The following MFAP5 variants were observed in gnomAD, a reference collection of about 807,000 sequenced individuals.
The protein encoded by MFAP5 is microfibril associated protein 5.
MFAP5 carries 19 observed loss-of-function variants against 30.1 expected under a neutral mutation model. The ratio of observed to expected loss-of-function variants is 0.63; its 90% confidence interval spans 0.44 to 0.93. The LOEUF (loss-of-function observed/expected upper bound fraction) is 0.93. Ranked by LOEUF, MFAP5 falls within the 40% of genes least tolerant of loss-of-function variation. The pLI is 0.00. For synonymous variants in MFAP5, 92 were observed against 72.9 expected (o/e 1.26, Z -1.33); for missense variants, 210 against 221.3 (o/e 0.95, Z 0.32).
intron 9 of MFAP5, among the ~76,000 whole-genome samples, chr12:8,648,729 G>C (rs1390116462): frequency 3.9e-5 from 6 of 152,148 alleles, no homozygotes; most frequent in African/African-American, 1.4e-4. Flanking sequence ...AAGCCAATGG[G>C]GGCACACAGC....
chr12:8,648,645 A>G lies in MFAP5; in HGVS notation c.410-442T>C, dbSNP rs779803491. ...AGCTAACTTTAGGAAGTCCCTTGAG[A>G]TACTTGAAAGTGCCTAGAGTCCCAA... On this transcript the variant is annotated intron_variant, in intron 9 of 9. Coordinates refer to ENST00000359478, the MANE Select transcript of MFAP5 (RefSeq NM_003480.4). 5.6e-6 allele frequency: 4 copies of G among 709,108 alleles called. No individual in the cohort carries two copies. In the South Asian group the frequency reaches 6.5e-5, roughly 11 times the overall value. 43.9% of individuals were successfully genotyped at this position (709,108 alleles called of 1,614,324 possible).
chr12:8,662,135 T>C, intron 1 of MFAP5, 29 bp from the exon 2 acceptor site: 1 of 1,600,832 alleles, frequency 6.2e-7, no homozygotes. Context: ...TAGCAGAGAA[T>C]GTGATGCTCA....
chr12:8,658,318 C>T (rs1219552218), intron 3 of MFAP5, among the ~76,000 whole-genome samples: 2 of 152,072 alleles, frequency 1.3e-5, no homozygotes, highest in African/African-American at 4.8e-5. Flanking sequence ...CCACTGCACT[C>T]CAGCCTGGGA....
chr12:8,654,674 A>G (rs1249727318), intron 5 of MFAP5, among the ~76,000 whole-genome samples, 193 bp from the exon 6 acceptor site: 3 of 152,166 alleles, frequency 2.0e-5, no homozygotes, highest in African/African-American at 7.2e-5. Flanking sequence ...GGTGGGGCGC[A>G]GTGGCTCGCA....
At chr12:8,655,392 T>G in intron 5 of MFAP5, 23 bp downstream of exon 5, 1 of 1,578,182 alleles carries the variant, frequency 6.3e-7, no homozygotes, top group Non-Finnish European at 8.6e-7. Context: ...TGCCATTTTT[T>G]TTTTAACTGC....
intron 6 of MFAP5, among the ~76,000 whole-genome samples, chr12:8,652,829 C>A (rs1411425122): frequency 6.6e-6 from 1 of 152,188 alleles, no homozygotes; most frequent in African/African-American, 2.4e-5. Context: ...ATTATCTTTC[C>A]CTTCACTAAT....
chr12:8,655,497 C>A, intron 4 of MFAP5, 50 bp from the exon 5 acceptor site: 1 of 1,565,036 alleles, frequency 6.4e-7, no homozygotes, highest in Non-Finnish European at 8.7e-7. Context: ...GGAAAAGTAG[C>A]TAAGGAAAGC....
At chr12:8,659,442 A>G (rs1332197916) in intron 3 of MFAP5, among the ~76,000 whole-genome samples, 1 of 152,132 alleles carries the variant, frequency 6.6e-6, no homozygotes, top group African/African-American at 2.4e-5. Context: ...ACCAGGCAAG[A>G]CAGTTCATCA....
At position 8,647,089 on chromosome 12, in the gene MFAP5, T is replaced by C. The variant is rs1941699299; in HGVS notation, c.*1002A>G. On this transcript the variant is annotated 3_prime_UTR_variant, in exon 10 of 10. Transcript: ENST00000359478. ...ATATTGTGTTTCTTTCACTCTTTCGTATTAACTATTAGGCAAACTTTCTGT... is the reference window on the plus strand; with the variant it reads ...ATATTGTGTTTCTTTCACTCTTTCGCATTAACTATTAGGCAAACTTTCTGT... The C allele has an allele frequency of 6.6e-6, 1 of 152,192 alleles. No individual in the cohort carries two copies. Among genetic ancestry groups the C allele is most frequent in the Non-Finnish European group, 1.5e-5 (1 of 68,040 alleles). The allele number at this position is 152,192 out of a possible 1,614,324, so 9.4% of individuals were successfully genotyped here.
At chr12:8,657,005 A>G (rs1043442880) in intron 3 of MFAP5, among the ~76,000 whole-genome samples, 1 of 152,100 alleles carries the variant, frequency 6.6e-6, no homozygotes, top group East Asian at 1.9e-4. Flanking sequence ...AAGAGAGTAA[A>G]TTTCAGGTGC....
At chr12:8,661,626 C>G (rs1942154176) in intron 2 of MFAP5, among the ~76,000 whole-genome samples, 1 of 151,832 alleles carries the variant, frequency 6.6e-6, no homozygotes, top group South Asian at 2.1e-4. Flanking sequence ...CCTCTCCACT[C>G]AGTCTCCCAA....
At position 8,646,597 on chromosome 12, in the gene MFAP5, G is replaced by A. The variant is rs944999367; in HGVS notation, c.*1494C>T. The A allele has an allele frequency of 4.0e-5, 6 of 151,632 alleles. No individual in the cohort carries two copies. Among genetic ancestry groups the A allele is most frequent in the Non-Finnish European group, 8.8e-5 (6 of 67,956 alleles). The allele number at this position is 151,632 out of a possible 1,614,324, so 9.4% of individuals were successfully genotyped here. A position where few individuals can be genotyped will look rare whatever the true frequency, so the allele number is the denominator to read the frequency against. ...ATGCATTTAAATCCAGAGAATCATA[G>A]AATTAAAGGAAATCTTAGAACTAAG... On this transcript the variant is annotated 3_prime_UTR_variant, in exon 10 of 10. Coordinates refer to ENST00000359478, the MANE Select transcript of MFAP5 (RefSeq NM_003480.4).
In MFAP5 at chr12:8,648,190, A is replaced by T; in HGVS notation, c.423T>A (p.Arg141=). 1 of 1,613,224 alleles carries T rather than the reference A, an allele frequency of 6.2e-7. No homozygotes were observed. Among genetic ancestry groups the T allele is most frequent in the Non-Finnish European group, 8.5e-7 (1 of 1,179,300 alleles). ...TCCTAGGGGGCAGACCAGCCATCTG[A>T]CGGCAAAGCTCATCTAGAAGAGAAG... The part of the protein sequence containing the change: ...EHEAMKDELC[R]QMAGLPPRRL... Residue 141 remains arginine (R), a synonymous_variant, in exon 10 of 10, where the codon CGT becomes CGA. Coordinates refer to ENST00000359478, the MANE Select transcript of MFAP5 (RefSeq NM_003480.4).
intron 6 of MFAP5, among the ~76,000 whole-genome samples, chr12:8,652,765 A>T (rs925871092): frequency 1.3e-5 from 2 of 152,202 alleles, no homozygotes; most frequent in Non-Finnish European, 2.9e-5. Context: ...TTTATGGAAG[A>T]GTTCTTGAAT....
intron 7 of MFAP5, among the ~76,000 whole-genome samples, chr12:8,650,926 C>T (rs1941819964): frequency 6.6e-6 from 1 of 152,020 alleles, no homozygotes; most frequent in Non-Finnish European, 1.5e-5. Context: ...CAGCACTTTG[C>T]GGGGACGAGG....
Position 8,662,110 on chromosome 12 carries a change from TA to T in MFAP5, c.-2-5del. 1 of 1,612,914 alleles carries T rather than the reference TA, an allele frequency of 6.2e-7. No individual in the cohort carries two copies. Among genetic ancestry groups the T allele is most frequent in the Non-Finnish European group, 8.5e-7 (1 of 1,179,566 alleles). ...TTGGGTCCCAAGAGCGACATATCTA[TA>T]GGGGTGGTGGGCATAGCAGAGAATG... On this transcript the variant is annotated splice_polypyrimidine_tract_variant and splice_region_variant and intron_variant, in intron 1 of 9. Transcript: ENST00000359478.
At position 8,655,416 on chromosome 12, in the gene MFAP5, T is replaced by C. The variant is rs756057687; in HGVS notation, c.171A>G (p.Thr57=). ...TTTTTTAACTGCGGTAAAATTTACC[T>C]GTTTCATCTGTAGCGGGATCATTCA... ...NLVNDPATDE[T]VLAVLADIAP... Residue 57 remains threonine, a splice_region_variant and synonymous_variant, in exon 5 of 10, where the codon ACA becomes ACG. Coordinates refer to ENST00000359478, the MANE Select transcript of MFAP5 (RefSeq NM_003480.4). 4 of 1,600,168 alleles carry C rather than the reference T, an allele frequency of 2.5e-6. No homozygotes were observed. The East Asian group carries it at 8.9e-5, about 36-fold the overall frequency.
intron 4 of MFAP5, 63 bp from the exon 5 acceptor site, chr12:8,655,510 G>A (rs1315204974): frequency 6.6e-7 from 1 of 1,519,232 alleles, no homozygotes. Flanking sequence ...AGGAAAGCAG[G>A]ATAAGGGGAC....
chr12:8,658,231 T>C (rs1364494338), intron 3 of MFAP5, among the ~76,000 whole-genome samples: 1 of 152,016 alleles, frequency 6.6e-6, no homozygotes, highest in Non-Finnish European at 1.5e-5. Flanking sequence ...ATGCCTGTAG[T>C]CCCAATTACT....
Sources: gnomAD v4.1 joint callset for allele counts (sites outside exome capture counted in the v4.1 genomes callset) on GRCh38, gnomAD v4.1.1 for gene constraint, MANE v1.5 for transcripts, NCBI Gene and HGNC (gene_info 2026-07-23, HGNC 2026-07-21) for gene names.